LAMC1: variants seen among roughly 807,000 people sequenced by gnomAD.
The protein encoded by LAMC1 is laminin subunit gamma-1.
A neutral mutation model predicts 173.6 loss-of-function variants in LAMC1; 38 were observed. The ratio of observed to expected loss-of-function variants is 0.22; its 90% CI spans 0.17 to 0.29. The LOEUF is 0.29. Ranked by LOEUF, LAMC1 falls within the 10% of genes least tolerant of loss-of-function variation. The pLI is 1.00. For synonymous variants in LAMC1, 746 were observed against 749.1 expected (o/e 1.00, Z 0.07); for missense variants, 1,824 against 2,051.8 (o/e 0.89, Z 2.14).
chr1:183,109,967 G>T (rs2102075628), intron 3 of LAMC1, among the ~76,000 whole-genome samples: 1 of 152,262 alleles, frequency 6.6e-6, no homozygotes, highest in East Asian at 1.9e-4. Flanking sequence ...AATCATTATG[G>T]CAGATAATTG....
chr1:183,037,633 GTC>G, intron 1 of LAMC1, among the ~76,000 whole-genome samples: 1 of 152,210 alleles, frequency 6.6e-6, no homozygotes, highest in Middle Eastern at 3.4e-3. Flanking sequence ...AAATCTGTAA[GTC>G]TCTCTTTACC....
intron 1 of LAMC1, among the ~76,000 whole-genome samples, chr1:183,046,602 T>G (rs866876467): frequency 2.6e-5 from 4 of 152,102 alleles, no homozygotes; most frequent in African/African-American, 9.7e-5. Flanking sequence ...GAATTACACT[T>G]TCTAACTCTT....
intron 1 of LAMC1, among the ~76,000 whole-genome samples, chr1:183,031,300 CTTCTTTTTT>C (rs1653841958): frequency 6.6e-6 from 1 of 152,056 alleles, no homozygotes. Context: ...GCAACAGTTG[CTTCTTTTTT>C]TTCTTTTTTT....
chr1:183,117,368 T>C lies in LAMC1; in HGVS notation c.1613T>C (p.Leu538Pro). The change falls in exon 9 of 28, where the codon CTC (leucine) becomes CCC (proline). Residue 538 changes from leucine (L) to proline (P), a missense_variant. Transcript: ENST00000258341. The part of the protein sequence containing the change: ...AEQRDGSEAS[L>P]EWSSERQDIA... ...CAGAGAGATGGCTCTGAAGCATCTC[T>C]CGAGTGGTCCTCTGAGAGGCAAGAT... 3.7e-6 allele frequency: 6 copies of C among 1,613,780 alleles called. No homozygotes were observed. Among genetic ancestry groups the C allele is most frequent in the Non-Finnish European group, 5.1e-6 (6 of 1,179,668 alleles).
chr1:183,110,205 G>GAC (rs1656104130), intron 3 of LAMC1, among the ~76,000 whole-genome samples: 1 of 152,118 alleles, frequency 6.6e-6, no homozygotes, highest in African/African-American at 2.4e-5. Flanking sequence ...GCTACCTCTT[G>GAC]ACACACAGGT....
At chr1:183,075,563 A>G (rs1655104175) in intron 1 of LAMC1, among the ~76,000 whole-genome samples, 1 of 152,214 alleles carries the variant, frequency 6.6e-6, no homozygotes, top group African/African-American at 2.4e-5. Flanking sequence ...CTTACAAATA[A>G]TACACATATA....
At chr1:183,118,196 G>A in intron 11 of LAMC1, 50 bp downstream of exon 11, 1 of 1,109,034 alleles carries the variant, frequency 9.0e-7, no homozygotes, top group Non-Finnish European at 1.4e-6. Flanking sequence ...TGATTGGTTA[G>A]AAAGATTCAT....
intron 1 of LAMC1, among the ~76,000 whole-genome samples, chr1:183,102,370 T>C (rs1655858433): frequency 6.6e-6 from 1 of 152,250 alleles, no homozygotes; most frequent in Non-Finnish European, 1.5e-5. Flanking sequence ...TGTCCCCTGA[T>C]GTATATAGCA....
intron 1 of LAMC1, among the ~76,000 whole-genome samples, chr1:183,051,256 G>T (rs569797531): frequency 6.6e-6 from 1 of 152,198 alleles, no homozygotes; most frequent in Non-Finnish European, 1.5e-5. Flanking sequence ...GCCTTTGAGA[G>T]GATGGGCAGC....
intron 1 of LAMC1, among the ~76,000 whole-genome samples, chr1:183,027,380 G>A (rs781287602): frequency 2.0e-4 from 30 of 152,088 alleles, no homozygotes; most frequent in Non-Finnish European, 3.5e-4. Context: ...TGTCTTATAA[G>A]TTATAGTAAG....
intron 1 of LAMC1, among the ~76,000 whole-genome samples, chr1:183,094,550 C>A (rs1167723340): frequency 6.6e-6 from 1 of 152,170 alleles, no homozygotes; most frequent in Non-Finnish European, 1.5e-5. Context: ...AGTAGGTTTT[C>A]AGTAAATGTT....
At chr1:183,085,107 C>T (rs1199689571) in intron 1 of LAMC1, among the ~76,000 whole-genome samples, 4 of 151,822 alleles carry the variant, frequency 2.6e-5, no homozygotes, top group Non-Finnish European at 5.9e-5. Flanking sequence ...ATCCCAGCTA[C>T]TCAGGAGGCT....
chr1:183,128,869 G>A, intron 18 of LAMC1, 119 bp downstream of exon 18: 1 of 674,656 alleles, frequency 1.5e-6, no homozygotes, highest in Non-Finnish European at 2.2e-6. Flanking sequence ...ACTACTCATA[G>A]ATTATAAATC....
At chr1:183,027,413 A>C (rs1653718873) in intron 1 of LAMC1, among the ~76,000 whole-genome samples, 1 of 152,208 alleles carries the variant, frequency 6.6e-6, no homozygotes, top group African/African-American at 2.4e-5. Flanking sequence ...CCAGTGGGGT[A>C]GTAGTTGATA....
intron 1 of LAMC1, among the ~76,000 whole-genome samples, chr1:183,086,511 C>T (rs1029498275): frequency 1.5e-5 from 2 of 132,030 alleles, no homozygotes; most frequent in Admixed American, 1.5e-4. Flanking sequence ...GATAGAGATG[C>T]TGGATTGTTT....
At chr1:183,024,240 T>G (rs1286021124) in intron 1 of LAMC1, 106 bp downstream of exon 1, 5 of 1,111,158 alleles carry the variant, frequency 4.5e-6, no homozygotes, top group Non-Finnish European at 6.3e-6. Context: ...GCCGCGTGTT[T>G]GCTCTCTGTT....
chr1:183,110,627 A>G lies in LAMC1; in HGVS notation c.994A>G (p.Thr332Ala). ...FFNDRPWRRA[T>A]AESASECLPC... ...CAATGACCGGCCGTGGAGGAGGGCA[A>G]CTGCGGAAAGTGCCAGTGAATGCCT... Residue 332 changes from threonine (T) to alanine (A), a missense_variant, in exon 4 of 28, where the codon ACT becomes GCT. Thr to Ala is a moderately conservative substitution (Grantham distance 58). Transcript: ENST00000258341. 1.2e-6 allele frequency: 2 copies of G among 1,613,974 alleles called. No individual in the cohort carries two copies. The highest frequency in any genetic ancestry group is 8.5e-7 in the Non-Finnish European group (1 of 1,179,880).
Position 183,134,805 on chromosome 1 carries a change from A to T in LAMC1, c.3995A>T (p.Gln1332Leu). The change falls in exon 23 of 28, where the codon CAG becomes CTG. Residue 1332 changes from glutamine (Q) to leucine (L), a missense_variant. Physicochemically the swap from Gln to Leu is moderately radical, Grantham distance 113 (BLOSUM62 -2). Transcript: ENST00000258341. The stretch of plus-strand genomic sequence containing the variant: ...CTTCTGGAGAAAGGCAAGACTGAAC[A>T]GCAGGTTGGTTTGATTTGCAGGTCG... ...KNLLEKGKTEQQTADQLLARA... is the reference protein window; with the variant it reads ...KNLLEKGKTELQTADQLLARA... 1 of 1,611,058 alleles carries T rather than the reference A, an allele frequency of 6.2e-7. No homozygotes were observed. The highest frequency in any genetic ancestry group is 8.5e-7 in the Non-Finnish European group (1 of 1,179,330).
intron 1 of LAMC1, among the ~76,000 whole-genome samples, chr1:183,025,447 T>G (rs879813369): frequency 5.9e-5 from 9 of 152,234 alleles, no homozygotes; most frequent in Non-Finnish European, 1.2e-4. Flanking sequence ...AATGAAACAT[T>G]TTGAAAATAA....
Sources: gnomAD v4.1 joint callset for allele counts (sites outside exome capture counted in the v4.1 genomes callset) on GRCh38, gnomAD v4.1.1 for gene constraint, MANE v1.5 for transcripts, NCBI Gene and HGNC (gene_info 2026-07-23, HGNC 2026-07-21) for gene names.